The following GPC6 variants were observed in gnomAD, a reference collection of about 807,000 sequenced individuals.
The protein encoded by GPC6 is glypican-6.
Under a neutral mutation model 55.2 loss-of-function variants are expected in GPC6, and 14 were observed. That is an observed-to-expected ratio of 0.25 (90% CI 0.17 to 0.40). The LOEUF (loss-of-function observed/expected upper bound fraction) is 0.40, where lower values mean the gene tolerates loss of function less well. Ranked by LOEUF, GPC6 falls within the 10% of genes least tolerant of loss-of-function variation. GPC6 has a pLI of 1.00. For missense variants in GPC6, 641 were observed against 708.5 expected, an observed-to-expected ratio of 0.90 and a Z score of 1.08; for synonymous variants, 278 against 259.6, an observed-to-expected ratio of 1.07 and a Z score of -0.68.
intron 7 of GPC6, among the ~76,000 whole-genome samples, chr13:94,384,175 CAAA>C (rs1880301452): frequency 6.6e-6 from 1 of 152,168 alleles, no homozygotes; most frequent in South Asian, 2.1e-4. Context: ...TCAAAATGCT[CAAA>C]ATATCAATAT....
intron 1 of GPC6, among the ~76,000 whole-genome samples, chr13:93,304,137 A>G (rs895631092): frequency 1.3e-5 from 2 of 152,104 alleles, no homozygotes; most frequent in African/African-American, 4.8e-5. Flanking sequence ...CAGTGCTGGG[A>G]TTACAGATGT....
intron 4 of GPC6, among the ~76,000 whole-genome samples, chr13:94,272,479 T>C (rs1306550744): frequency 1.4e-5 from 2 of 139,500 alleles, no homozygotes; most frequent in Non-Finnish European, 3.1e-5. Flanking sequence ...TTTTTTTTTT[T>C]TTTTTTTGAA....
chr13:93,333,741 T>C (rs1188787310), intron 1 of GPC6, among the ~76,000 whole-genome samples: 2 of 152,074 alleles, frequency 1.3e-5, no homozygotes, highest in African/African-American at 4.8e-5. Context: ...TTTCACCATG[T>C]TGCCCAGGCT....
chr13:93,730,213 C>T (rs1193838253), intron 2 of GPC6, among the ~76,000 whole-genome samples: 2 of 152,096 alleles, frequency 1.3e-5, no homozygotes, highest in Non-Finnish European at 2.9e-5. Flanking sequence ...GATTTCTCTC[C>T]CAAAACTCCT....
intron 3 of GPC6, among the ~76,000 whole-genome samples, chr13:94,027,249 T>A (rs1594676927): frequency 6.6e-6 from 1 of 152,184 alleles, no homozygotes; most frequent in Admixed American, 6.5e-5. Flanking sequence ...GTTCCATTGC[T>A]TCTAAGCAGG....
chr13:93,594,208 T>G (rs1877623478), intron 2 of GPC6, among the ~76,000 whole-genome samples: 1 of 152,086 alleles, frequency 6.6e-6, no homozygotes, highest in African/African-American at 2.4e-5. Flanking sequence ...AAGTGCAGGT[T>G]TGTTACATAA....
chr13:93,609,598 C>T (rs1014978497), intron 2 of GPC6, among the ~76,000 whole-genome samples: 1 of 152,158 alleles, frequency 6.6e-6, no homozygotes, highest in African/African-American at 2.4e-5. Context: ...GTTGAAAACC[C>T]TCCCCACTGT....
chr13:93,626,254 C>T (rs2139564522), intron 2 of GPC6, among the ~76,000 whole-genome samples: 1 of 152,258 alleles, frequency 6.6e-6, no homozygotes, highest in East Asian at 1.9e-4. Flanking sequence ...TATGAGACGT[C>T]TTGTTTCAGA....
chr13:94,174,414 A>G (rs1888674831), intron 4 of GPC6, among the ~76,000 whole-genome samples: 1 of 152,136 alleles, frequency 6.6e-6, no homozygotes, highest in Non-Finnish European at 1.5e-5. Flanking sequence ...AAAAACATTC[A>G]AAGATAAATT....
At chr13:93,681,724 A>T (rs1881852165) in intron 2 of GPC6, among the ~76,000 whole-genome samples, 1 of 152,212 alleles carries the variant, frequency 6.6e-6, no homozygotes, top group Admixed American at 6.5e-5. Flanking sequence ...TAATGCGAGA[A>T]ATGTTCAGAA....
intron 1 of GPC6, among the ~76,000 whole-genome samples, chr13:93,528,048 C>G (rs567245701): frequency 2.0e-5 from 3 of 152,234 alleles, no homozygotes; most frequent in African/African-American, 4.8e-5. Flanking sequence ...TTCATGAAGT[C>G]TTACAGGCAG....
intron 4 of GPC6, among the ~76,000 whole-genome samples, chr13:94,264,869 C>T (rs187647028): frequency 3.9e-5 from 6 of 152,184 alleles, no homozygotes; most frequent in African/African-American, 1.2e-4. Flanking sequence ...AAAGGCCTAT[C>T]TAACATGGCA....
intron 1 of GPC6, among the ~76,000 whole-genome samples, chr13:93,355,974 C>T (rs1428213899): frequency 6.6e-6 from 1 of 152,012 alleles, no homozygotes; most frequent in African/African-American, 2.4e-5. Context: ...ACACAGGGAA[C>T]TCAGAGAATG....
chr13:93,719,732 G>A (rs1206232670), intron 2 of GPC6, among the ~76,000 whole-genome samples: 1 of 151,984 alleles, frequency 6.6e-6, no homozygotes, highest in Non-Finnish European at 1.5e-5. Context: ...GTCATAAATA[G>A]CTCTTATTAT....
At chr13:94,246,122 G>A (rs969559154) in intron 4 of GPC6, among the ~76,000 whole-genome samples, 1 of 152,002 alleles carries the variant, frequency 6.6e-6, no homozygotes, top group Non-Finnish European at 1.5e-5. Context: ...GGGATCTTGT[G>A]TATCTTTTTA....
intron 1 of GPC6, among the ~76,000 whole-genome samples, chr13:93,333,449 T>C (rs546171221): frequency 7.4e-4 from 113 of 152,282 alleles, no homozygotes; most frequent in South Asian, 1.9e-3. Context: ...TATTTGATTT[T>C]TTTTGTAACT....
intron 1 of GPC6, among the ~76,000 whole-genome samples, chr13:93,270,800 C>T (rs1230297907): frequency 1.3e-5 from 2 of 149,658 alleles, no homozygotes; most frequent in Non-Finnish European, 1.5e-5. Context: ...GAGTCAACAA[C>T]AACACTGCCT....
intron 4 of GPC6, among the ~76,000 whole-genome samples, chr13:94,284,940 G>A (rs1221910623): frequency 3.3e-5 from 5 of 151,204 alleles, no homozygotes; most frequent in African/African-American, 1.2e-4. Context: ...CACTAAGGAT[G>A]ATCCTGAAGT....
At position 93,527,885 on chromosome 13, in the gene GPC6, A is replaced by G. The variant is rs7984857; in HGVS notation, c.161-17378A>G. On this transcript the variant is annotated intron_variant, in intron 1 of 8. Transcript: ENST00000377047. The stretch of plus-strand genomic sequence containing the variant: ...GTCATGGAGGGAGGCAATTAAAGAA[A>G]TATACACTTATAGACTGTACCATAG... 2.6e-3 allele frequency among the ~76,000 whole-genome samples: 392 copies of G among 152,296 alleles called. 1 individual carries two copies. The highest frequency in any genetic ancestry group is 9.1e-3 in the African/African-American group (379 of 41,572).
Sources: gnomAD v4.1 joint callset for allele counts (sites outside exome capture counted in the v4.1 genomes callset) on GRCh38, gnomAD v4.1.1 for gene constraint, MANE v1.5 for transcripts, NCBI Gene and HGNC (gene_info 2026-07-23, HGNC 2026-07-21) for gene names.